NRXN3: variants seen among roughly 807,000 people sequenced by gnomAD.
NRXN3 encodes neurexin III.
In NRXN3, 32 loss-of-function variants were observed where a neutral mutation model predicts 137.6. That is an observed-to-expected ratio of 0.23 (90% confidence interval 0.18 to 0.31). NRXN3 has a LOEUF of 0.31. NRXN3 is among the 10% of genes least tolerant of loss of function. The probability of loss-of-function intolerance (pLI) is 1.00; values close to 1 mark genes in which losing one functional copy is unlikely to be tolerated. For missense variants in NRXN3, 1,574 were observed against 2,062.5 expected, an observed-to-expected ratio of 0.76 and a Z score of 4.59; for synonymous variants, 798 against 784.5, an observed-to-expected ratio of 1.02 and a Z score of -0.29.
chr14:79,801,550 G>GCACACACACACACACACACACACACA (rs370807630), intron 19 of NRXN3, among the ~76,000 whole-genome samples: 64 of 152,160 alleles, frequency 4.2e-4, no homozygotes, highest in African/African-American at 1.5e-3. Context: ...GTGTGTGCAC[G>GCACACACACACACACACACACACACA]CACACACACA....
At chr14:78,601,516 G>T (rs538321819) in intron 4 of NRXN3, among the ~76,000 whole-genome samples, 1 of 151,216 alleles carries the variant, frequency 6.6e-6, no homozygotes, top group Non-Finnish European at 1.5e-5. Context: ...GCAGTGGCAT[G>T]ATCTCGGCTC....
chr14:78,841,116 T>C (rs2099011122), intron 10 of NRXN3, among the ~76,000 whole-genome samples: 1 of 151,704 alleles, frequency 6.6e-6, no homozygotes, highest in South Asian at 2.1e-4. Flanking sequence ...GTCTGAGTGT[T>C]TTTTCAAGAT....
At chr14:79,490,576 A>G (rs1413304568) in intron 16 of NRXN3, among the ~76,000 whole-genome samples, 1 of 152,002 alleles carries the variant, frequency 6.6e-6, no homozygotes, top group Non-Finnish European at 1.5e-5. Flanking sequence ...AGAGAGACAA[A>G]TATCATACGT....
intron 16 of NRXN3, among the ~76,000 whole-genome samples, chr14:79,472,555 T>C (rs1286003030): frequency 6.6e-6 from 1 of 152,234 alleles, no homozygotes; most frequent in Non-Finnish European, 1.5e-5. Flanking sequence ...GAGATCTTTA[T>C]TGAAGTATAT....
rs34445474 is a variant in NRXN3 at position 78,192,065 on chromosome 14, AGTGTGTGTGT to A, written c.-704+21425_-704+21434del. Among the ~76,000 whole-genome samples, 496 of 142,956 alleles carry A rather than the reference AGTGTGTGTGT, an allele frequency of 3.5e-3. 3 individuals carry two copies. The highest frequency in any genetic ancestry group is 0.01 in the South Asian group (43 of 4,098). 93.8% of individuals were successfully genotyped at this position (142,956 alleles called of 152,430 possible). On this transcript the variant is annotated intron_variant, in intron 1 of 20. Transcript: ENST00000335750. ...TCCCTGCCCCCTTTGGCTGCCCGAA[AGTGTGTGTGT>A]GTGTGTGTGTGTGTGTGTGTGTGTG...
intron 4 of NRXN3, among the ~76,000 whole-genome samples, chr14:78,452,030 C>T (rs754432988): frequency 6.6e-6 from 1 of 152,198 alleles, no homozygotes. Context: ...AGCCGCCCAC[C>T]TACCTAACAT....
Position 79,417,188 on chromosome 14 carries a change from A to C in NRXN3, c.3263-50033A>C, listed in dbSNP as rs572774955. ...TAGGCCAGGAATAGGTATGATATGC[A>C]AGAAGCACCTGTGGCCCTATCTTAG... On this transcript the variant is annotated intron_variant, in intron 15 of 20. Transcript: ENST00000335750. 3.2e-4 allele frequency among the ~76,000 whole-genome samples: 48 copies of C among 152,300 alleles called. 2 individuals are homozygous for C. In the South Asian group the frequency reaches 9.5e-3, roughly 30 times the overall value.
At chr14:79,538,374 A>G (rs2097235801) in intron 16 of NRXN3, among the ~76,000 whole-genome samples, 1 of 152,312 alleles carries the variant, frequency 6.6e-6, no homozygotes, top group Non-Finnish European at 1.5e-5. Context: ...GCCCATGCCT[A>G]TGTCCTGAAT....
At position 78,709,523 on chromosome 14, in the gene NRXN3, G is replaced by A. The variant is rs200274508; in HGVS notation, c.1528G>A (p.Val510Met). The A allele has an allele frequency of 1.7e-4, 269 of 1,614,036 alleles. No homozygotes were observed. Among genetic ancestry groups the A allele is most frequent in the African/African-American group, 6.7e-5 (5 of 75,010 alleles). Reference sequence around the variant, plus strand: ...GAATACAAAAGTAGACTTCTTTGCCGTGGAACTCCTCGATGGCAACCTGTA... The same window carrying A: ...GAATACAAAAGTAGACTTCTTTGCCATGGAACTCCTCGATGGCAACCTGTA... ...QKNTKVDFFAVELLDGNLYLL... is the reference protein window; with the variant it reads ...QKNTKVDFFAMELLDGNLYLL... The change falls in exon 7 of 21, where the codon GTG (valine) becomes ATG (methionine). Residue 510 changes from valine to methionine, a missense_variant. Physicochemically the swap from Val to Met is conservative, Grantham distance 21. Around this residue, in one of 5 missense-constraint regions of NRXN3, gnomAD observed 718 missense variants for 887.6 expected, o/e 0.81. Transcript: ENST00000335750.
chr14:79,471,652 G>A (rs527568600), intron 16 of NRXN3, among the ~76,000 whole-genome samples: 21 of 152,296 alleles, frequency 1.4e-4, no homozygotes, highest in African/African-American at 5.1e-4. Context: ...TGATAGGAGA[G>A]TTGGACAGAA....
At chr14:79,705,852 T>G (rs2098776102) in intron 19 of NRXN3, among the ~76,000 whole-genome samples, 1 of 152,220 alleles carries the variant, frequency 6.6e-6, no homozygotes. Flanking sequence ...ATTTATTTGT[T>G]TATTGTCCCT....
Position 79,474,583 on chromosome 14 carries a change from G to C in NRXN3, c.3444+7181G>C, listed in dbSNP as rs532115953. ...GTCATGACCTTGGTTAGGTCAATAG[G>C]ATAAGTGACCCTATAGCCTCCTTGG... On this transcript the variant is annotated intron_variant, in intron 16 of 20. Transcript: ENST00000335750. Among the ~76,000 whole-genome samples the C allele has an allele frequency of 8.6e-4, 131 of 152,190 alleles. No homozygotes were observed. In the Middle Eastern group the frequency reaches 0.017, roughly 20 times the overall value.
At chr14:78,687,468 A>G (rs549706623) in intron 6 of NRXN3, among the ~76,000 whole-genome samples, 1 of 152,208 alleles carries the variant, frequency 6.6e-6, no homozygotes, top group South Asian at 2.1e-4. Flanking sequence ...AACAGGATTT[A>G]TTGATGAATT....
chr14:79,831,973 C>T (rs2099325249), intron 20 of NRXN3, among the ~76,000 whole-genome samples: 1 of 152,042 alleles, frequency 6.6e-6, no homozygotes, highest in South Asian at 2.1e-4. Context: ...TTAACAGGCA[C>T]TTTTATATAA....
At chr14:79,580,551 T>A (rs527432751) in intron 16 of NRXN3, among the ~76,000 whole-genome samples, 1 of 152,258 alleles carries the variant, frequency 6.6e-6, no homozygotes, top group South Asian at 2.1e-4. Context: ...TGCCCATGCA[T>A]TCCTGCAGAG....
chr14:78,684,335 T>TA (rs2098106518), intron 6 of NRXN3, among the ~76,000 whole-genome samples: 2 of 152,306 alleles, frequency 1.3e-5, no homozygotes, highest in Admixed American at 1.3e-4. Flanking sequence ...AAAATGCTTA[T>TA]AATCAAATTT....
At chr14:78,917,284 AC>A (rs1377305547) in intron 10 of NRXN3, among the ~76,000 whole-genome samples, 1 of 152,206 alleles carries the variant, frequency 6.6e-6, no homozygotes, top group African/African-American at 2.4e-5. Flanking sequence ...TTAGAAGGGA[AC>A]AAAAAACACT....
At chr14:78,262,902 T>G (rs1014425919) in intron 2 of NRXN3, among the ~76,000 whole-genome samples, 2 of 152,102 alleles carry the variant, frequency 1.3e-5, no homozygotes, top group African/African-American at 2.4e-5. Context: ...TTATTCCCAT[T>G]TTACAGATGA....
chr14:78,476,324 T>C (rs1274633882), intron 4 of NRXN3, among the ~76,000 whole-genome samples: 1 of 152,214 alleles, frequency 6.6e-6, no homozygotes, highest in Non-Finnish European at 1.5e-5. Context: ...AAGGCTGCTT[T>C]AGTTTGGTTG....
Sources: allele counts gnomAD v4.1 joint callset (sites outside exome capture counted in the v4.1 genomes callset), GRCh38; gene constraint gnomAD v4.1.1; regional missense constraint gnomAD v4.1.1; transcripts MANE v1.5; gene names NCBI Gene and HGNC (gene_info 2026-07-23, HGNC 2026-07-21).